The following LARGE1 variants were observed in gnomAD, a reference collection of about 807,000 sequenced individuals.
The protein encoded by LARGE1 is xylosyl- and glucuronyltransferase LARGE1.
A neutral mutation model predicts 87.6 loss-of-function variants in LARGE1; 43 were observed. That is an observed-to-expected ratio of 0.49 (90% CI 0.38 to 0.63). LARGE1 has a LOEUF of 0.63. Among genes scored for constraint, LARGE1 ranks in the 30% least tolerant of loss-of-function variants. LARGE1 has a pLI of 0.00. For synonymous variants in LARGE1, 434 were observed against 394.6 expected (o/e 1.10, Z -1.18); for missense variants, 802 against 1,000.2 (o/e 0.80, Z 2.67).
At chr22:33,741,912 C>G (rs1046443635) in intron 2 of LARGE1, among the ~76,000 whole-genome samples, 1 of 152,202 alleles carries the variant, frequency 6.6e-6, no homozygotes, top group Non-Finnish European at 1.5e-5. Context: ...AGAACTGCTC[C>G]TTGGCTGAGG....
chr22:33,480,328 C>T (rs900353811), intron 6 of LARGE1, among the ~76,000 whole-genome samples: 4 of 152,146 alleles, frequency 2.6e-5, no homozygotes, highest in African/African-American at 9.7e-5. Context: ...TTTTATGATG[C>T]AGTAAAACAA....
intron 6 of LARGE1, among the ~76,000 whole-genome samples, chr22:33,461,643 A>T (rs2068386201): frequency 6.6e-6 from 1 of 151,554 alleles, no homozygotes; most frequent in Non-Finnish European, 1.5e-5. Context: ...CCTAGAACTT[A>T]AAGTATAATT....
intron 11 of LARGE1, among the ~76,000 whole-genome samples, chr22:33,253,288 C>T (rs1568990712): frequency 6.6e-6 from 1 of 152,166 alleles, no homozygotes; most frequent in Non-Finnish European, 1.5e-5. Flanking sequence ...CTAATAAGTG[C>T]AAGTCATTTT....
intron 6 of LARGE1, among the ~76,000 whole-genome samples, chr22:33,538,132 G>A (rs2077092598): frequency 6.6e-6 from 1 of 152,026 alleles, no homozygotes; most frequent in African/African-American, 2.4e-5. Flanking sequence ...TGCTGTTTTT[G>A]CCTGGAATTC....
chr22:33,803,476 A>C (rs1408991465), intron 1 of LARGE1, among the ~76,000 whole-genome samples: 1 of 152,194 alleles, frequency 6.6e-6, no homozygotes, highest in Non-Finnish European at 1.5e-5. Flanking sequence ...CTGTTTAACA[A>C]CACCAACAAC....
At chr22:33,341,218 C>T (rs1055843185) in intron 9 of LARGE1, among the ~76,000 whole-genome samples, 25 of 152,028 alleles carry the variant, frequency 1.6e-4, no homozygotes, top group African/African-American at 6.0e-4. Context: ...TTGCTTCCAC[C>T]ATGTGAAGAC....
the LARGE1 span, among the ~76,000 whole-genome samples, chr22:33,141,463 A>C: frequency 6.6e-6 from 1 of 152,120 alleles, no homozygotes; most frequent in African/African-American, 2.4e-5. Flanking sequence ...TTTATGGCAA[A>C]ATAATTTTTT....
intron 6 of LARGE1, among the ~76,000 whole-genome samples, chr22:33,485,891 T>A (rs2069552089): frequency 6.6e-6 from 1 of 152,218 alleles, no homozygotes; most frequent in Non-Finnish European, 1.5e-5. Context: ...CAGGGGAGAA[T>A]ATAAGCTCCA....
In LARGE1 at chr22:33,432,103, A is replaced by C. The variant is rs186479270; in HGVS notation, c.892+58T>G. 4.5e-6 allele frequency: 6 copies of C among 1,346,470 alleles called. No individual in the cohort carries two copies. The Admixed American group carries it at 1.0e-4, about 23-fold the overall frequency. 83.4% of individuals were successfully genotyped at this position (1,346,470 alleles called of 1,614,324 possible). A position where few individuals can be genotyped will look rare whatever the true frequency, so the allele number is the denominator to read the frequency against. ...TTGCAATCTCCTCTCCTGCGGAAGG[A>C]GCACTGGGTCCTCATATCACCTTCT... On this transcript the variant is annotated intron_variant, in intron 7 of 14. Coordinates refer to ENST00000397394, the MANE Select transcript of LARGE1 (RefSeq NM_133642.5).
At chr22:33,753,709 G>C (rs2084404600) in intron 2 of LARGE1, among the ~76,000 whole-genome samples, 2 of 152,108 alleles carry the variant, frequency 1.3e-5, no homozygotes, top group African/African-American at 4.8e-5. Context: ...AGGATTATTT[G>C]TTCCACCCTA....
chr22:33,533,485 C>T (rs969724208), intron 6 of LARGE1, among the ~76,000 whole-genome samples: 6 of 152,104 alleles, frequency 3.9e-5, no homozygotes, highest in Admixed American at 2.0e-4. Flanking sequence ...TTCTCTTTCT[C>T]GAGGCGATGA....
intron 2 of LARGE1, among the ~76,000 whole-genome samples, chr22:33,749,912 C>T (rs1182625608): frequency 2.0e-5 from 3 of 152,078 alleles, no homozygotes; most frequent in Admixed American, 6.6e-5. Context: ...GAATAAAGGA[C>T]CTTTTTAGAC....
At chr22:33,658,363 G>A (rs1434738007) in intron 2 of LARGE1, among the ~76,000 whole-genome samples, 1 of 152,136 alleles carries the variant, frequency 6.6e-6, no homozygotes, top group Non-Finnish European at 1.5e-5. Flanking sequence ...TGCCACAGTG[G>A]TTTGCTGCAC....
intron 6 of LARGE1, among the ~76,000 whole-genome samples, chr22:33,537,251 A>C (rs1398436754): frequency 6.6e-6 from 1 of 152,224 alleles, no homozygotes. Context: ...TAGCAGGTTA[A>C]AGTCAAGATG....
rs548008001 is a variant in LARGE1, at chr22:33,525,436, C to G, written c.787+39412G>C. ...CAAAGAGACTGAAACAAGCTGAAAG[C>G]TGCATGAAACAGCCTCTCAAATAAA... On this transcript the variant is annotated intron_variant, in intron 6 of 14. Transcript: ENST00000397394. Among the ~76,000 whole-genome samples, 65 of 152,304 alleles carry G rather than the reference C, an allele frequency of 4.3e-4. 3 individuals carry two copies. The South Asian group carries it at 0.012, about 29-fold the overall frequency.
chr22:33,695,248 C>T (rs1014986958), intron 2 of LARGE1, among the ~76,000 whole-genome samples: 6 of 151,286 alleles, frequency 4.0e-5, no homozygotes, highest in Admixed American at 1.3e-4. Context: ...GGATTACAGG[C>T]GCACGCCACC....
At chr22:33,248,904 C>T (rs569608921) in intron 11 of LARGE1, among the ~76,000 whole-genome samples, 7 of 152,272 alleles carry the variant, frequency 4.6e-5, no homozygotes, top group South Asian at 2.1e-4. Flanking sequence ...CTTTTCAGAG[C>T]GGAATAATAT....
chr22:33,590,239 TTAAA>T (rs1449123104), intron 5 of LARGE1, among the ~76,000 whole-genome samples: 1 of 152,226 alleles, frequency 6.6e-6, no homozygotes, highest in Non-Finnish European at 1.5e-5. Context: ...TTGTACCTAA[TTAAA>T]TATATTTTAT....
At position 33,393,287 on chromosome 22, in the gene LARGE1, G is replaced by A. The variant is rs536146889; in HGVS notation, c.893-8983C>T. 4.6e-5 allele frequency among the ~76,000 whole-genome samples: 7 copies of A among 152,296 alleles called. No homozygotes were observed. In the East Asian group the frequency reaches 7.7e-4, roughly 17 times the overall value. On this transcript the variant is annotated intron_variant, in intron 7 of 14. Transcript: ENST00000397394. ...ATTGACCTTGCTCCTATGGGGCTGC[G>A]GAAATATCCTAATTAATGGCTGTGC...
Sources: gnomAD v4.1 joint callset for allele counts (sites outside exome capture counted in the v4.1 genomes callset) on GRCh38, gnomAD v4.1.1 for gene constraint, MANE v1.5 for transcripts, NCBI Gene and HGNC (gene_info 2026-07-23, HGNC 2026-07-21) for gene names.